The following DOCK2 variants were observed in gnomAD, a reference collection of about 807,000 sequenced individuals.
DOCK2 encodes dedicator of cytokinesis 2.
Under a neutral mutation model 248.9 loss-of-function variants are expected in DOCK2, and 87 were observed. The ratio of observed to expected loss-of-function variants is 0.35; its 90% confidence interval spans 0.29 to 0.42. The LOEUF (loss-of-function observed/expected upper bound fraction) is 0.42. Among genes scored for constraint, DOCK2 ranks in the 10% least tolerant of loss-of-function variants. The pLI, the probability that DOCK2 is intolerant of heterozygous loss-of-function variation, is 1.00. For missense variants in DOCK2, 1,747 were observed against 2,300.2 expected, an observed-to-expected ratio of 0.76 and a Z score of 4.92; for synonymous variants, 805 against 821.6, an observed-to-expected ratio of 0.98 and a Z score of 0.35.
intron 46 of DOCK2, chr5:170,075,735 G>C: frequency 1.7e-6 from 1 of 587,434 alleles, no homozygotes; most frequent in Non-Finnish European, 3.0e-6. Flanking sequence ...AGGGAAGCTG[G>C]GGGTCTTTCT....
At chr5:170,047,396 G>A (rs1362005023) in intron 39 of DOCK2, 114 bp from the exon 40 acceptor site, 4 of 785,320 alleles carry the variant, frequency 5.1e-6, no homozygotes, top group Non-Finnish European at 4.2e-6. Context: ...GTAAATATGT[G>A]CACATGGCTC....
chr5:169,743,296 CAT>C (rs1345831717), intron 22 of DOCK2, among the ~76,000 whole-genome samples: 21 of 152,248 alleles, frequency 1.4e-4, no homozygotes, highest in Non-Finnish European at 1.6e-4. Context: ...TATAGCTGGG[CAT>C]TGGTGGCTTG....
At chr5:169,832,899 C>T (rs1278045318) in intron 26 of DOCK2, among the ~76,000 whole-genome samples, 2 of 152,034 alleles carry the variant, frequency 1.3e-5, no homozygotes, top group African/African-American at 4.8e-5. Context: ...GTAGCTGTGA[C>T]CTTGTGATCT....
chr5:169,746,390 T>C (rs1460863657), intron 22 of DOCK2, among the ~76,000 whole-genome samples: 1 of 152,010 alleles, frequency 6.6e-6, no homozygotes, highest in African/African-American at 2.4e-5. Context: ...TGCTCTGTGG[T>C]TGAGGAGCAA....
chr5:170,079,955 C>T, intron 49 of DOCK2: 1 of 645,744 alleles, frequency 1.5e-6, no homozygotes. Flanking sequence ...TGTCCGCCAC[C>T]CCCGCCTGTA....
chr5:169,698,631 G>A (rs1191804039), intron 11 of DOCK2, among the ~76,000 whole-genome samples, 182 bp downstream of exon 11: 1 of 152,206 alleles, frequency 6.6e-6, no homozygotes, highest in African/African-American at 2.4e-5. Context: ...CAGCTCTTCA[G>A]CCATTCATTC....
chr5:169,934,693 A>G, intron 27 of DOCK2: 1 of 456,260 alleles, frequency 2.2e-6, no homozygotes, highest in South Asian at 1.5e-5. Context: ...GGTGCTACGG[A>G]GTATTAAATG....
At chr5:169,975,731 C>T (rs1200968143) in intron 27 of DOCK2, among the ~76,000 whole-genome samples, 1 of 152,186 alleles carries the variant, frequency 6.6e-6, no homozygotes, top group East Asian at 1.9e-4. Context: ...TGGCACATAT[C>T]ACTATCTAAA....
At chr5:169,822,634 A>AT (rs1768539445) in intron 26 of DOCK2, among the ~76,000 whole-genome samples, 1 of 152,102 alleles carries the variant, frequency 6.6e-6, no homozygotes, top group African/African-American at 2.4e-5. Context: ...TAGAGGGAAA[A>AT]TTATAGCACT....
At chr5:169,854,777 G>A (rs1361224910) in intron 27 of DOCK2, among the ~76,000 whole-genome samples, 2 of 152,228 alleles carry the variant, frequency 1.3e-5, no homozygotes, top group African/African-American at 2.4e-5. Context: ...AGCCCTTGGA[G>A]AGTCCCAGAG....
At chr5:169,974,906 A>C (rs928681948) in intron 27 of DOCK2, among the ~76,000 whole-genome samples, 8 of 151,886 alleles carry the variant, frequency 5.3e-5, no homozygotes, top group Non-Finnish European at 1.2e-4. Context: ...TGTGCCATTA[A>C]AAACTGGGGT....
chr5:169,715,293 C>A (rs547828136), intron 19 of DOCK2, among the ~76,000 whole-genome samples: 6 of 152,288 alleles, frequency 3.9e-5, no homozygotes, highest in African/African-American at 1.4e-4. Context: ...CTTGATACAG[C>A]TAGAAATTCT....
rs1193675129 is a variant in DOCK2, at chr5:169,763,269, G to A, written c.2554+1644G>A. ...CAAATAAATTTCCCTCACCCCAAAA[G>A]CATTGAAATATGTCTGCCCCTTCCT... On this transcript the variant is annotated intron_variant, in intron 25 of 51. Transcript: ENST00000520908. This position sits in a 1 kb window ranked among gnomAD's most constrained non-coding sequence, Gnocchi z 4.1. 6.6e-6 allele frequency among the ~76,000 whole-genome samples: 1 copy of A among 152,160 alleles called. No individual in the cohort carries two copies. Among genetic ancestry groups the A allele is most frequent in the Non-Finnish European group, 1.5e-5 (1 of 68,010 alleles).
At chr5:169,872,875 C>T (rs1772075917) in intron 27 of DOCK2, among the ~76,000 whole-genome samples, 1 of 152,182 alleles carries the variant, frequency 6.6e-6, no homozygotes, top group Non-Finnish European at 1.5e-5. Context: ...GAATGTTAAT[C>T]CTATCCACAT....
chr5:170,022,377 T>A (rs147059409), intron 33 of DOCK2, among the ~76,000 whole-genome samples: 42 of 152,346 alleles, frequency 2.8e-4, no homozygotes, highest in African/African-American at 9.6e-4. Context: ...TCTCTTTCTC[T>A]GCTCTGGGTT....
chr5:169,928,996 G>A (rs970774352), intron 27 of DOCK2, among the ~76,000 whole-genome samples: 1 of 152,138 alleles, frequency 6.6e-6, no homozygotes, highest in African/African-American at 2.4e-5. Context: ...AGGATGAGGA[G>A]GAGCTATGTG....
intron 30 of DOCK2, among the ~76,000 whole-genome samples, chr5:170,003,647 G>A (rs1452000753): frequency 6.6e-6 from 1 of 152,212 alleles, no homozygotes; most frequent in African/African-American, 2.4e-5. Flanking sequence ...TGTGATCTCC[G>A]TGGAGTCTGA....
intron 34 of DOCK2, among the ~76,000 whole-genome samples, chr5:170,033,855 T>G (rs948954730): frequency 6.6e-6 from 1 of 152,232 alleles, no homozygotes; most frequent in Non-Finnish European, 1.5e-5. Flanking sequence ...CCCAGACATA[T>G]TGAATCTCTC....
intron 27 of DOCK2, among the ~76,000 whole-genome samples, chr5:169,845,186 C>G (rs937685789): frequency 5.3e-5 from 8 of 149,668 alleles, no homozygotes; most frequent in Non-Finnish European, 8.9e-5. Context: ...TTGCCCCTCC[C>G]TCTCTGTCAC....
Sources: gnomAD v4.1 joint callset for allele counts (sites outside exome capture counted in the v4.1 genomes callset) on GRCh38, gnomAD v4.1.1 for gene constraint, Gnocchi (gnomAD v3.1) non-coding constraint, MANE v1.5 for transcripts, NCBI Gene and HGNC (gene_info 2026-07-23, HGNC 2026-07-21) for gene names.